The following ARMC9 variants were observed in gnomAD, a reference collection of about 807,000 sequenced individuals.
The protein encoded by ARMC9 is lisH domain-containing protein ARMC9.
ARMC9 carries 94 observed loss-of-function variants against 107.0 expected under a neutral mutation model. The observed-to-expected ratio is 0.88, with a 90% CI of 0.74 to 1.04. The LOEUF (loss-of-function observed/expected upper bound fraction) is 1.04. Ranked by LOEUF, ARMC9 falls within the 50% of genes least tolerant of loss-of-function variation. The pLI is 0.00. For missense variants in ARMC9, 942 were observed against 1,030.1 expected, an observed-to-expected ratio of 0.91 and a Z score of 1.17; for synonymous variants, 380 against 396.9, an observed-to-expected ratio of 0.96 and a Z score of 0.51.
At chr2:231,277,984 C>T (rs2039906213) in intron 15 of ARMC9, among the ~76,000 whole-genome samples, 1 of 152,084 alleles carries the variant, frequency 6.6e-6, no homozygotes, top group Non-Finnish European at 1.5e-5. Flanking sequence ...TATGGTCTTC[C>T]TGATGGTGGT....
intron 24 of ARMC9, among the ~76,000 whole-genome samples, chr2:231,371,269 T>G (rs911739298): frequency 6.6e-6 from 1 of 152,234 alleles, no homozygotes; most frequent in Admixed American, 6.5e-5. Context: ...TTGTGTGTCC[T>G]GTGGGCTCAA....
intron 9 of ARMC9, among the ~76,000 whole-genome samples, chr2:231,249,302 C>T (rs969342015): frequency 6.6e-6 from 1 of 152,156 alleles, no homozygotes; most frequent in African/African-American, 2.4e-5. Context: ...AGTGAGATTC[C>T]CAGCACAGCA....
chr2:231,340,816 A>C (rs2044451371), intron 20 of ARMC9, among the ~76,000 whole-genome samples: 1 of 152,152 alleles, frequency 6.6e-6, no homozygotes, highest in South Asian at 2.1e-4. Context: ...TGAACCCGGG[A>C]GACGGAGGTT....
At position 231,214,938 on chromosome 2, in the gene ARMC9, G is replaced by A. The variant is rs748077879; in HGVS notation, c.285G>A (p.Lys95=). ...SIRDGDSFAQ[K]LEFYLHIHFA... Reference sequence around the variant, plus strand: ...GAGATGGGGACTCCTTTGCCCAGAAGCTGGAATTCTATCTCCACATCCATT... The same window carrying A: ...GAGATGGGGACTCCTTTGCCCAGAAACTGGAATTCTATCTCCACATCCATT... The change falls in exon 4 of 25, where the codon AAG becomes AAA. Residue 95 remains lysine, a synonymous_variant. Transcript: ENST00000611582. 1 of 1,614,154 alleles carries A rather than the reference G, an allele frequency of 6.2e-7. No homozygotes were observed. Among genetic ancestry groups the A allele is most frequent in the Non-Finnish European group, 8.5e-7 (1 of 1,180,032 alleles).
At chr2:231,293,782 T>C (rs751158737) in intron 18 of ARMC9, 1 of 152,210 alleles carries the variant, frequency 6.6e-6, no homozygotes, top group Admixed American at 6.5e-5. Context: ...TCTGTATCCA[T>C]AGGACAGCGG....
chr2:231,262,966 G>A (rs957603408), intron 12 of ARMC9, among the ~76,000 whole-genome samples: 1 of 149,202 alleles, frequency 6.7e-6, no homozygotes, highest in African/African-American at 2.5e-5. Flanking sequence ...AGGTCGTTGG[G>A]ATGATTACAT....
intron 20 of ARMC9, 127 bp downstream of exon 20, chr2:231,332,024 C>A: frequency 1.3e-6 from 1 of 759,068 alleles, no homozygotes. Flanking sequence ...ATGAGAAGGT[C>A]CATGTTAGCC....
At position 231,349,531 on chromosome 2, in the gene ARMC9, C is replaced by T. The variant is rs576975723; in HGVS notation, c.1994+4441C>T. 8.5e-5 allele frequency among the ~76,000 whole-genome samples: 13 copies of T among 152,232 alleles called. No individual in the cohort carries two copies. In the South Asian group the frequency reaches 2.7e-3, roughly 32 times the overall value. The stretch of plus-strand genomic sequence containing the variant: ...GCGTGGTGGCTCATGCCTGTAATCT[C>T]AACACTTTGGGAGGCCGAGGCGGGT... On this transcript the variant is annotated intron_variant, in intron 21 of 24. Transcript: ENST00000611582.
rs544808708 is a variant in ARMC9, at chr2:231,258,483, C to T, written c.915-508C>T. On this transcript the variant is annotated intron_variant, in intron 10 of 24. Transcript: ENST00000611582. Reference sequence around the variant, plus strand: ...GGCCTGAGCCACCACGCCCGGCCCCCGACTGCTTACTCTTCACACTTGTTT... The same window carrying T: ...GGCCTGAGCCACCACGCCCGGCCCCTGACTGCTTACTCTTCACACTTGTTT... 7.9e-5 allele frequency among the ~76,000 whole-genome samples: 12 copies of T among 152,096 alleles called. No homozygotes were observed. In the East Asian group the frequency reaches 1.9e-3, roughly 25 times the overall value.
At chr2:231,209,178 C>T (rs1047917343) in intron 3 of ARMC9, among the ~76,000 whole-genome samples, 1 of 152,074 alleles carries the variant, frequency 6.6e-6, no homozygotes, top group Non-Finnish European at 1.5e-5. Context: ...GCTGAGGTTA[C>T]AGATGTGAGC....
intron 7 of ARMC9, among the ~76,000 whole-genome samples, chr2:231,227,952 C>T (rs1179620227): frequency 1.3e-5 from 2 of 152,206 alleles, no homozygotes; most frequent in African/African-American, 4.8e-5. Context: ...CCCATGGGAT[C>T]AACCTGGACT....
At chr2:231,249,535 C>T (rs1410841457) in intron 9 of ARMC9, among the ~76,000 whole-genome samples, 2 of 152,092 alleles carry the variant, frequency 1.3e-5, no homozygotes, top group Non-Finnish European at 2.9e-5. Context: ...GGGAGAGCAG[C>T]TGCTCTGGGA....
chr2:231,307,459 G>A (rs1375828197), intron 19 of ARMC9, among the ~76,000 whole-genome samples: 2 of 152,150 alleles, frequency 1.3e-5, no homozygotes, highest in Non-Finnish European at 2.9e-5. Context: ...GGGGGCAAAT[G>A]TTTTAATATT....
At chr2:231,320,383 C>T (rs2042930275) in intron 19 of ARMC9, among the ~76,000 whole-genome samples, 1 of 152,222 alleles carries the variant, frequency 6.6e-6, no homozygotes, top group African/African-American at 2.4e-5. Context: ...CACTTTCTTG[C>T]TCCCCATCAC....
intron 21 of ARMC9, among the ~76,000 whole-genome samples, chr2:231,348,605 G>C (rs2044906670): frequency 6.6e-6 from 1 of 152,142 alleles, no homozygotes; most frequent in African/African-American, 2.4e-5. Flanking sequence ...AAGTTAAAAA[G>C]CTTCTATAGC....
intron 20 of ARMC9, among the ~76,000 whole-genome samples, chr2:231,342,355 T>C (rs1032142497): frequency 6.6e-6 from 1 of 152,222 alleles, no homozygotes; most frequent in African/African-American, 2.4e-5. Context: ...TTTAAGGAGA[T>C]GAAATAACTG....
intron 19 of ARMC9, among the ~76,000 whole-genome samples, chr2:231,306,869 T>A (rs183650876): frequency 2.0e-5 from 3 of 152,338 alleles, no homozygotes; most frequent in Admixed American, 2.0e-4. Flanking sequence ...ACAGTGAAGC[T>A]TAACACAAAG....
chr2:231,223,303 G>A (rs2034333143), intron 6 of ARMC9, among the ~76,000 whole-genome samples: 1 of 152,076 alleles, frequency 6.6e-6, no homozygotes, highest in Admixed American at 6.6e-5. Flanking sequence ...TTTGGCAAAC[G>A]TACAGAGCTG....
intron 19 of ARMC9, among the ~76,000 whole-genome samples, chr2:231,329,745 A>AC (rs1297798332): frequency 6.6e-6 from 1 of 152,160 alleles, no homozygotes; most frequent in African/African-American, 2.4e-5. Flanking sequence ...TGTGTTCCTT[A>AC]CTAGTATACA....
Sources: gnomAD v4.1 joint callset for allele counts (sites outside exome capture counted in the v4.1 genomes callset) on GRCh38, gnomAD v4.1.1 for gene constraint, MANE v1.5 for transcripts, NCBI Gene and HGNC (gene_info 2026-07-23, HGNC 2026-07-21) for gene names.